Variants in C12orf42 observed in about 807,000 individuals in gnomAD.
C12orf42 encodes the protein uncharacterized protein C12orf42.
A neutral mutation model predicts 21.6 loss-of-function variants in C12orf42; 25 were observed. The observed-to-expected ratio is 1.16, with a 90% CI of 0.84 to 1.62. The LOEUF is 1.62. C12orf42 is among the 40% of genes most tolerant of loss of function. The probability of loss-of-function intolerance (pLI) is 0.00; values close to 1 mark genes in which losing one functional copy is unlikely to be tolerated. For missense variants in C12orf42, 483 were observed against 459.3 expected (o/e 1.05, Z -0.47); for synonymous variants, 174 against 175.0 (o/e 0.99, Z 0.05).
chr12:103,536,914 CT>C, the C12orf42 span, among the ~76,000 whole-genome samples: 1 of 152,060 alleles, frequency 6.6e-6, no homozygotes, highest in Admixed American at 6.6e-5. Flanking sequence ...GTGTTTATTA[CT>C]GTCTAACATG....
the C12orf42 span, among the ~76,000 whole-genome samples, chr12:103,121,736 G>A: frequency 1.6e-4 from 24 of 152,232 alleles, no homozygotes; most frequent in South Asian, 1.5e-3. Flanking sequence ...CTACTCCCAA[G>A]GGTTTGAAAT....
chr12:103,323,387 G>A (rs1272938018), intron 4 of C12orf42, among the ~76,000 whole-genome samples: 1 of 152,168 alleles, frequency 6.6e-6, no homozygotes, highest in Non-Finnish European at 1.5e-5. Context: ...ACACAGTGAG[G>A]ATGAAAACCA....
At chr12:103,077,574 C>T in the C12orf42 span, among the ~76,000 whole-genome samples, 4 of 152,178 alleles carry the variant, frequency 2.6e-5, no homozygotes, top group Non-Finnish European at 4.4e-5. Flanking sequence ...CCAAGCTGGA[C>T]ACAGAGCAGG....
At chr12:103,164,720 G>A in the C12orf42 span, 1 of 455,548 alleles carries the variant, frequency 2.2e-6, no homozygotes, top group Non-Finnish European at 4.4e-6. Context: ...CGGAAACCAT[G>A]ATGAATACTC....
intron 4 of C12orf42, among the ~76,000 whole-genome samples, chr12:103,347,389 CT>C (rs1216298476): frequency 1.3e-5 from 2 of 152,022 alleles, no homozygotes; most frequent in Admixed American, 6.6e-5. Context: ...TGAACTCATC[CT>C]TTTTTATGGC....
At chr12:103,496,476 C>T (rs1955550190), upstream of C12orf42, among the ~76,000 whole-genome samples, 1 of 152,118 alleles carries the variant, frequency 6.6e-6, no homozygotes, top group South Asian at 2.1e-4. Context: ...CTCTGCTCTT[C>T]CTCATCTCTA....
At chr12:103,500,660 T>A (rs1412416781), upstream of C12orf42, among the ~76,000 whole-genome samples, 1 of 152,226 alleles carries the variant, frequency 6.6e-6, no homozygotes. Context: ...GCAAGAATGT[T>A]CTGTAATTAA....
intron 2 of C12orf42, among the ~76,000 whole-genome samples, chr12:103,467,142 T>C (rs1953205356): frequency 6.6e-6 from 1 of 152,178 alleles, no homozygotes; most frequent in African/African-American, 2.4e-5. Flanking sequence ...TTGGATAATA[T>C]TATGTAAAAA....
chr12:103,113,972 AT>A, the C12orf42 span, among the ~76,000 whole-genome samples: 1 of 152,138 alleles, frequency 6.6e-6, no homozygotes, highest in Non-Finnish European at 1.5e-5. Context: ...AACAGTTTAG[AT>A]TTTTTTGTTA....
chr12:103,408,194 T>C (rs1257797207), intron 2 of C12orf42, among the ~76,000 whole-genome samples: 4 of 152,156 alleles, frequency 2.6e-5, no homozygotes, highest in Non-Finnish European at 4.4e-5. Flanking sequence ...ATAGTGAACA[T>C]AGAAACTAGA....
intron 3 of C12orf42, among the ~76,000 whole-genome samples, chr12:103,381,485 T>C (rs918643432): frequency 9.2e-5 from 14 of 152,188 alleles, no homozygotes; most frequent in African/African-American, 3.4e-4. Context: ...GGGAAAACAT[T>C]GTTGATGATG....
At chr12:103,291,762 T>C (rs1393202975) in intron 4 of C12orf42, among the ~76,000 whole-genome samples, 2 of 152,156 alleles carry the variant, frequency 1.3e-5, no homozygotes, top group East Asian at 1.9e-4. Flanking sequence ...AATTAGCGTA[T>C]AATGAGCAGT....
chr12:103,176,852 T>C, the C12orf42 span, among the ~76,000 whole-genome samples: 3 of 152,160 alleles, frequency 2.0e-5, no homozygotes, highest in African/African-American at 7.2e-5. Flanking sequence ...TAGTTGAAAA[T>C]TATGTCCCCG....
intron 3 of C12orf42, among the ~76,000 whole-genome samples, chr12:103,387,815 A>G (rs2138363525): frequency 6.6e-6 from 1 of 152,320 alleles, no homozygotes; most frequent in South Asian, 2.1e-4. Context: ...ATGAATGAAA[A>G]CAAGACTGCG....
chr12:103,160,650 T>C, the C12orf42 span, among the ~76,000 whole-genome samples: 2 of 152,192 alleles, frequency 1.3e-5, no homozygotes, highest in Non-Finnish European at 2.9e-5. Flanking sequence ...CACTGAACAG[T>C]GCAACACCCC....
the C12orf42 span, among the ~76,000 whole-genome samples, chr12:103,169,646 G>A: frequency 5.3e-5 from 8 of 152,092 alleles, no homozygotes; most frequent in Admixed American, 1.3e-4. Context: ...GAAAATAAAT[G>A]CTACTACAGT....
chr12:103,095,858 A>G, the C12orf42 span, among the ~76,000 whole-genome samples: 1 of 152,122 alleles, frequency 6.6e-6, no homozygotes, highest in Non-Finnish European at 1.5e-5. Context: ...GAGGTCTCTA[A>G]AAGTCTTATT....
intron 5 of C12orf42, among the ~76,000 whole-genome samples, chr12:103,305,239 A>G (rs2038155976): frequency 6.6e-6 from 1 of 152,096 alleles, no homozygotes; most frequent in African/African-American, 2.4e-5. Flanking sequence ...CTTCTTCTAC[A>G]TGACAGCTCT....
chr12:103,551,145 A>C, the C12orf42 span, among the ~76,000 whole-genome samples: 2 of 152,098 alleles, frequency 1.3e-5, no homozygotes, highest in African/African-American at 4.8e-5. Context: ...TTAGAAATCA[A>C]TCCCTTGCTT....
Sources: allele counts gnomAD v4.1 joint callset (sites outside exome capture counted in the v4.1 genomes callset), GRCh38; gene constraint gnomAD v4.1.1; transcripts MANE v1.5; gene names NCBI Gene and HGNC (gene_info 2026-07-23, HGNC 2026-07-21).